Variants in OSBPL10 observed in about 807,000 individuals in gnomAD.
The protein encoded by OSBPL10 is oxysterol binding protein like 10.
OSBPL10 carries 49 observed loss-of-function variants against 81.7 expected under a neutral mutation model. That is an observed-to-expected ratio of 0.60 (90% confidence interval 0.48 to 0.76). The LOEUF (loss-of-function observed/expected upper bound fraction) is 0.76, where lower values mean the gene tolerates loss of function less well. Among genes scored for constraint, OSBPL10 ranks in the 30% least tolerant of loss-of-function variants. The pLI is 0.00. For missense variants in OSBPL10, 923 were observed against 987.8 expected, an observed-to-expected ratio of 0.93 and a Z score of 0.88; for synonymous variants, 419 against 383.6, an observed-to-expected ratio of 1.09 and a Z score of -1.08.
chr3:31,679,989 T>G (rs1263001418), intron 8 of OSBPL10, among the ~76,000 whole-genome samples: 2 of 152,122 alleles, frequency 1.3e-5, no homozygotes, highest in Non-Finnish European at 2.9e-5. Context: ...TTCACACAAC[T>G]TCAAGAGTCC....
intron 2 of OSBPL10, among the ~76,000 whole-genome samples, chr3:31,997,038 C>T (rs1255531188): frequency 1.3e-5 from 2 of 152,136 alleles, no homozygotes; most frequent in Non-Finnish European, 2.9e-5. Flanking sequence ...AGTTACCACA[C>T]GTTTCTTGCA....
chr3:31,829,142 G>A (rs960684586), intron 4 of OSBPL10, among the ~76,000 whole-genome samples: 9 of 152,118 alleles, frequency 5.9e-5, no homozygotes, highest in Non-Finnish European at 1.2e-4. Flanking sequence ...CCTAGTCGAG[G>A]AGTCTCATTC....
At chr3:31,685,420 T>C (rs1700766479) in intron 7 of OSBPL10, among the ~76,000 whole-genome samples, 1 of 152,124 alleles carries the variant, frequency 6.6e-6, no homozygotes, top group African/African-American at 2.4e-5. Context: ...CCAGGCTCAT[T>C]ACAAACTCCT....
At chr3:32,008,494 G>C (rs1376482441) in intron 2 of OSBPL10, among the ~76,000 whole-genome samples, 2 of 151,266 alleles carry the variant, frequency 1.3e-5, no homozygotes, top group East Asian at 3.9e-4. Context: ...ACTTTGAGAG[G>C]CCAAGGTGGG....
At chr3:31,678,323 G>A (rs1365764382) in intron 8 of OSBPL10, among the ~76,000 whole-genome samples, 1 of 152,160 alleles carries the variant, frequency 6.6e-6, no homozygotes, top group East Asian at 1.9e-4. Context: ...AGAAGATGAT[G>A]ATGAACATGC....
chr3:31,989,990 A>G (rs1304909298), intron 2 of OSBPL10: 1 of 1,614,198 alleles, frequency 6.2e-7, no homozygotes, highest in Non-Finnish European at 8.5e-7. Context: ...CTTGCAAGTC[A>G]TCATAGACTT....
At chr3:32,012,241 C>T (rs897559909) in intron 2 of OSBPL10, among the ~76,000 whole-genome samples, 1 of 152,194 alleles carries the variant, frequency 6.6e-6, no homozygotes, top group African/African-American at 2.4e-5. Flanking sequence ...AACAGCTGAT[C>T]TCTCGGCAGA....
chr3:31,830,119 G>T lies in OSBPL10; in HGVS notation c.650C>A (p.Thr217Lys), dbSNP rs747448242. 1.2e-6 allele frequency: 2 copies of T among 1,614,026 alleles called. No individual in the cohort carries two copies. The highest frequency in any genetic ancestry group is 2.7e-5 in the African/African-American group (2 of 74,924). Reference protein sequence around the residue: ...HLSVGAPGVVTITHHKSPAAA... With the variant: ...HLSVGAPGVVKITHHKSPAAA... ...TGCAGGCGACTTGTGATGCGTGATT[G>T]TGACAACACCGGGGGCCCCCACACT... Residue 217 changes from threonine (T) to lysine (K), a missense_variant, in exon 4 of 12, where the codon ACA (threonine) becomes AAA (lysine). Coordinates refer to ENST00000396556, the MANE Select transcript of OSBPL10 (RefSeq NM_017784.5).
At chr3:32,073,354 C>T (rs1699847338) in intron 1 of OSBPL10, among the ~76,000 whole-genome samples, 3 of 152,126 alleles carry the variant, frequency 2.0e-5, no homozygotes, top group South Asian at 2.1e-4. Context: ...AATCTGACCC[C>T]TCAAACTCTA....
chr3:31,938,865 C>A (rs377416396), intron 1 of OSBPL10, among the ~76,000 whole-genome samples: 6 of 152,182 alleles, frequency 3.9e-5, no homozygotes, highest in African/African-American at 9.7e-5. Flanking sequence ...TCTAACTCCA[C>A]TCTCAGACGA....
At chr3:31,792,550 G>A (rs1699042477) in intron 4 of OSBPL10, among the ~76,000 whole-genome samples, 1 of 152,136 alleles carries the variant, frequency 6.6e-6, no homozygotes, top group African/African-American at 2.4e-5. Flanking sequence ...GGGGGGTGGT[G>A]GTTAAAATTC....
intron 1 of OSBPL10, among the ~76,000 whole-genome samples, chr3:31,978,546 A>G (rs1698744762): frequency 1.3e-5 from 2 of 152,226 alleles, no homozygotes; most frequent in Non-Finnish European, 2.9e-5. Flanking sequence ...GAGTCATCGT[A>G]ATCTTCTCCA....
intron 1 of OSBPL10, among the ~76,000 whole-genome samples, chr3:31,975,216 T>C (rs943908043): frequency 6.6e-6 from 1 of 152,164 alleles, no homozygotes; most frequent in Non-Finnish European, 1.5e-5. Flanking sequence ...TTACCATCAA[T>C]GAAACTAGTT....
intron 2 of OSBPL10, among the ~76,000 whole-genome samples, chr3:32,000,594 G>A (rs77298572): frequency 1.3e-5 from 2 of 152,176 alleles, no homozygotes; most frequent in African/African-American, 4.8e-5. Context: ...ACATCTGTGC[G>A]AAATTGCGGG....
chr3:31,966,460 A>G (rs1698407137), intron 1 of OSBPL10, among the ~76,000 whole-genome samples: 1 of 151,916 alleles, frequency 6.6e-6, no homozygotes, highest in Admixed American at 6.6e-5. Flanking sequence ...AATTAAATTG[A>G]AAACAGAGAA....
chr3:31,833,598 CT>C (rs963462404), intron 3 of OSBPL10, among the ~76,000 whole-genome samples: 8 of 152,002 alleles, frequency 5.3e-5, no homozygotes, highest in African/African-American at 1.7e-4. Flanking sequence ...CACTGACCTT[CT>C]TATTTTCTAC....
intron 1 of OSBPL10, among the ~76,000 whole-genome samples, chr3:32,067,077 T>C (rs1699786270): frequency 1.3e-5 from 2 of 152,178 alleles, no homozygotes; most frequent in African/African-American, 4.8e-5. Flanking sequence ...GCTGTTACCT[T>C]TGTCCTGCTT....
intron 6 of OSBPL10, among the ~76,000 whole-genome samples, chr3:31,707,993 AAC>A (rs1024845469): frequency 3.3e-5 from 5 of 152,164 alleles, no homozygotes; most frequent in African/African-American, 9.7e-5. Context: ...TAAATCAAGA[AAC>A]ACAGTGATTT....
At chr3:31,822,290 T>C in intron 4 of OSBPL10, 1 of 152,168 alleles carries the variant, frequency 6.6e-6, no homozygotes, top group Admixed American at 6.5e-5. Context: ...AGAAGGATAA[T>C]TCCTATTTGT....
Sources: allele counts gnomAD v4.1 joint callset (sites outside exome capture counted in the v4.1 genomes callset), GRCh38; gene constraint gnomAD v4.1.1; transcripts MANE v1.5; gene names NCBI Gene and HGNC (gene_info 2026-07-23, HGNC 2026-07-21).